The following LARP4B variants were observed in gnomAD, a reference collection of about 807,000 sequenced individuals.
LARP4B encodes the protein La ribonucleoprotein 4B, also known as la-related protein 4B.
In LARP4B, 12 loss-of-function variants were observed where a neutral mutation model predicts 89.8. The observed-to-expected ratio is 0.13, with a 90% CI of 0.09 to 0.22. LARP4B has a LOEUF of 0.22. LARP4B is among the 10% of genes least tolerant of loss of function. The pLI, the probability that LARP4B is intolerant of heterozygous loss-of-function variation, is 1.00. For synonymous variants in LARP4B, 367 were observed against 363.3 expected (o/e 1.01, Z -0.12); for missense variants, 757 against 947.7 (o/e 0.80, Z 2.64).
the LARP4B span, among the ~76,000 whole-genome samples, chr10:941,617 G>A: frequency 1.3e-5 from 2 of 152,194 alleles, no homozygotes; most frequent in Non-Finnish European, 2.9e-5. Context: ...CACTGCACCC[G>A]GCCTGATCTT....
At chr10:874,259 A>AAAACT (rs71505892) in intron 3 of LARP4B, among the ~76,000 whole-genome samples, 28 of 152,276 alleles carry the variant, frequency 1.8e-4, no homozygotes, top group African/African-American at 6.0e-4. Flanking sequence ...AAAACAAAAC[A>AAAACT]GTAGTCGAAT....
intron 1 of LARP4B, among the ~76,000 whole-genome samples, chr10:929,336 T>C (rs1269410653): frequency 6.6e-6 from 1 of 152,246 alleles, no homozygotes; most frequent in Non-Finnish European, 1.5e-5. Context: ...GGCTCACTCC[T>C]GTAATCCCAA....
intron 1 of LARP4B, among the ~76,000 whole-genome samples, chr10:907,666 G>C (rs191972030): frequency 3.0e-4 from 45 of 152,130 alleles, no homozygotes; most frequent in Non-Finnish European, 5.3e-4. Flanking sequence ...CCATTTCATG[G>C]CATAGAATTC....
the LARP4B span, among the ~76,000 whole-genome samples, chr10:973,205 A>T: frequency 6.6e-6 from 1 of 152,132 alleles, no homozygotes; most frequent in African/African-American, 2.4e-5. Context: ...TGGAGAGTGC[A>T]GCAGGGACAA....
chr10:868,585 C>T (rs1033060920), intron 3 of LARP4B, among the ~76,000 whole-genome samples: 2 of 152,190 alleles, frequency 1.3e-5, no homozygotes, highest in Non-Finnish European at 2.9e-5. Context: ...GGCAGTGACA[C>T]TGGTAACTAA....
chr10:941,625 C>G, the LARP4B span, among the ~76,000 whole-genome samples: 2 of 152,218 alleles, frequency 1.3e-5, no homozygotes, highest in Non-Finnish European at 2.9e-5. Flanking sequence ...CCGGCCTGAT[C>G]TTGCTTTTTA....
chr10:949,253 G>A, the LARP4B span, among the ~76,000 whole-genome samples: 4 of 150,250 alleles, frequency 2.7e-5, no homozygotes, highest in Admixed American at 1.3e-4. Context: ...CCAGCCCCGC[G>A]TGAGTGAGTG....
At chr10:910,072 T>C (rs571246009) in intron 1 of LARP4B, among the ~76,000 whole-genome samples, 6 of 152,154 alleles carry the variant, frequency 3.9e-5, no homozygotes, top group African/African-American at 1.4e-4. Flanking sequence ...CTGAGCAGAA[T>C]TGTTTAGTCA....
At chr10:901,767 A>G (rs947774848) in intron 1 of LARP4B, among the ~76,000 whole-genome samples, 1 of 152,222 alleles carries the variant, frequency 6.6e-6, no homozygotes, top group African/African-American at 2.4e-5. Context: ...TTCAAGACTA[A>G]TTTTGTAAAA....
chr10:895,167 C>T (rs1428384435), intron 1 of LARP4B, among the ~76,000 whole-genome samples: 4 of 151,864 alleles, frequency 2.6e-5, no homozygotes. Context: ...GCCTGGGCAA[C>T]AGAGTGAGAC....
At chr10:881,811 G>A (rs1027888535) in intron 3 of LARP4B, among the ~76,000 whole-genome samples, 2 of 152,200 alleles carry the variant, frequency 1.3e-5, no homozygotes. Context: ...CACACACAAT[G>A]TGATCATGCA....
chr10:980,233 C>A, the LARP4B span, among the ~76,000 whole-genome samples: 4 of 152,222 alleles, frequency 2.6e-5, no homozygotes, highest in Admixed American at 1.3e-4. Context: ...GCTGCTCTCA[C>A]CAGTTGGAGT....
intron 1 of LARP4B, among the ~76,000 whole-genome samples, chr10:914,994 C>T (rs999211538): frequency 7.9e-5 from 12 of 152,124 alleles, no homozygotes; most frequent in Admixed American, 2.6e-4. Context: ...TAATATACAA[C>T]GTACACAAAT....
intron 15 of LARP4B, 63 bp from the exon 16 acceptor site, chr10:815,133 G>A (rs1326348257): frequency 6.7e-6 from 10 of 1,497,318 alleles, no homozygotes; most frequent in Non-Finnish European, 8.9e-6. Context: ...TGGTACCAGT[G>A]CCCGTTCACC....
chr10:959,692 CCCACCTCCCCGTCAAT>C, the LARP4B span, among the ~76,000 whole-genome samples: 1 of 28,390 alleles, frequency 3.5e-5, no homozygotes, highest in Admixed American at 3.1e-4. Context: ...CCCCGTCAAT[CCCACCTCCCCGTCAAT>C]CCACCTCCCC....
At chr10:932,116 G>C (rs1830646380), upstream of LARP4B, among the ~76,000 whole-genome samples, 1 of 151,706 alleles carries the variant, frequency 6.6e-6, no homozygotes, top group Non-Finnish European at 1.5e-5. Flanking sequence ...CCTGCCCGCC[G>C]CCCAGGACGG....
At chr10:857,214 A>C (rs1834347647) in intron 5 of LARP4B, among the ~76,000 whole-genome samples, 2 of 152,098 alleles carry the variant, frequency 1.3e-5, no homozygotes, top group Non-Finnish European at 2.9e-5. Context: ...GAGACAGGGA[A>C]TTTAAAAGAA....
chr10:979,412 C>T, the LARP4B span, among the ~76,000 whole-genome samples: 3 of 152,156 alleles, frequency 2.0e-5, no homozygotes, highest in South Asian at 2.1e-4. Context: ...CAAAGGGAGG[C>T]CCCAGCAGAA....
At chr10:910,922 G>A (rs986014112) in intron 1 of LARP4B, among the ~76,000 whole-genome samples, 1 of 152,126 alleles carries the variant, frequency 6.6e-6, no homozygotes, top group Non-Finnish European at 1.5e-5. Flanking sequence ...GAGCACTCCC[G>A]TCCCCTGGCA....
Sources: gnomAD v4.1 joint callset for allele counts (sites outside exome capture counted in the v4.1 genomes callset) on GRCh38, gnomAD v4.1.1 for gene constraint, MANE v1.5 for transcripts, NCBI Gene and HGNC (gene_info 2026-07-23, HGNC 2026-07-21) for gene names.